CCDC91: variants seen among roughly 807,000 people sequenced by gnomAD.
CCDC91 encodes the protein coiled-coil domain containing 91.
CCDC91 carries 48 observed loss-of-function variants against 63.2 expected under a neutral mutation model. The ratio of observed to expected loss-of-function variants is 0.76; its 90% CI spans 0.60 to 0.97. CCDC91 has a LOEUF of 0.97. CCDC91 is among the 50% of genes least tolerant of loss of function. CCDC91 has a pLI of 0.00. For synonymous variants in CCDC91, 167 were observed against 165.8 expected, an observed-to-expected ratio of 1.01 and a Z score of -0.06; for missense variants, 500 against 494.6, an observed-to-expected ratio of 1.01 and a Z score of -0.10.
At position 28,520,839 on chromosome 12, in the gene CCDC91, C is replaced by A. The variant is rs570971080; in HGVS notation, c.1216-28224C>A. On this transcript the variant is annotated intron_variant, in intron 12 of 12. Coordinates refer to ENST00000536442, the MANE Select transcript of CCDC91 (RefSeq NM_018318.5). The stretch of plus-strand genomic sequence containing the variant: ...TTCATTAAATAGGGAATCGTTTCCC[C>A]ATTTCTTGTTTTTGTCAGGTTTGTC... Among the ~76,000 whole-genome samples, 9 of 152,244 alleles carry A rather than the reference C, an allele frequency of 5.9e-5. No homozygotes were observed. The East Asian group carries it at 1.7e-3, about 29-fold the overall frequency.
intron 8 of CCDC91, among the ~76,000 whole-genome samples, chr12:28,422,481 A>G (rs959506895): frequency 6.6e-6 from 1 of 152,108 alleles, no homozygotes; most frequent in East Asian, 1.9e-4. Flanking sequence ...TAAGCATACC[A>G]TCAGGATCAC....
chr12:28,445,732 C>G (rs11049609), intron 8 of CCDC91, among the ~76,000 whole-genome samples: 31,199 of 152,146 alleles, frequency 0.21, 4,195 homozygotes, highest in Non-Finnish European at 0.3. Context: ...AGTCCAAGAT[C>G]AAGGTTTCTG....
intron 12 of CCDC91, among the ~76,000 whole-genome samples, chr12:28,504,503 C>T (rs574868751): frequency 6.6e-6 from 1 of 151,894 alleles, no homozygotes; most frequent in African/African-American, 2.4e-5. Flanking sequence ...CTTCTGTCTC[C>T]ACTTCCCTCA....
intron 12 of CCDC91, among the ~76,000 whole-genome samples, chr12:28,539,094 A>G (rs1942427158): frequency 6.6e-6 from 1 of 152,174 alleles, no homozygotes; most frequent in Non-Finnish European, 1.5e-5. Context: ...TTTGCTGTGC[A>G]GAAGCTCTTC....
chr12:28,315,892 C>T (rs1232779458), intron 6 of CCDC91, among the ~76,000 whole-genome samples: 1 of 151,656 alleles, frequency 6.6e-6, no homozygotes, highest in African/African-American at 2.4e-5. Context: ...CCTTCTGTCT[C>T]ATTTAGATAA....
chr12:28,534,367 A>G (rs1170878816), intron 12 of CCDC91, among the ~76,000 whole-genome samples: 1 of 152,196 alleles, frequency 6.6e-6, no homozygotes, highest in Non-Finnish European at 1.5e-5. Flanking sequence ...TTATATACCA[A>G]TGGCCATGAC....
chr12:28,429,506 A>T (rs1948514818), intron 8 of CCDC91, among the ~76,000 whole-genome samples: 1 of 151,880 alleles, frequency 6.6e-6, no homozygotes, highest in Admixed American at 6.6e-5. Context: ...AATGAATTAT[A>T]ATATATAATA....
intron 8 of CCDC91, among the ~76,000 whole-genome samples, chr12:28,446,994 C>T (rs1441958547): frequency 1.3e-5 from 2 of 152,114 alleles, no homozygotes; most frequent in Non-Finnish European, 2.9e-5. Context: ...GGGGAGTCTC[C>T]TTTGCCCGTT....
intron 6 of CCDC91, chr12:28,319,300 A>G (rs1010152132): frequency 7.9e-5 from 12 of 152,012 alleles, no homozygotes; most frequent in African/African-American, 2.4e-4. Flanking sequence ...TTGCAGCAGA[A>G]AAAAGTATTA....
chr12:28,199,012 C>T (rs1942000520), intron 1 of CCDC91: 1 of 151,810 alleles, frequency 6.6e-6, no homozygotes, highest in Non-Finnish European at 1.5e-5. Context: ...CTCCTTGGCT[C>T]AAGTGATTCT....
At chr12:28,355,092 CCTT>C (rs1943435244) in intron 6 of CCDC91, among the ~76,000 whole-genome samples, 1 of 152,046 alleles carries the variant, frequency 6.6e-6, no homozygotes, top group South Asian at 2.1e-4. Flanking sequence ...TCGTTTTCTT[CCTT>C]CTTTCTGCCT....
intron 12 of CCDC91, among the ~76,000 whole-genome samples, chr12:28,508,488 A>G (rs1232252954): frequency 2.0e-5 from 3 of 151,850 alleles, no homozygotes; most frequent in Admixed American, 1.3e-4. Flanking sequence ...AAATTAGGCA[A>G]GGGAGTTCCA....
chr12:28,473,974 T>TTGTG (rs142414549), intron 11 of CCDC91, among the ~76,000 whole-genome samples: 16,592 of 149,560 alleles, frequency 0.11, 2,368 homozygotes, highest in African/African-American at 0.34. Context: ...GCATGTGTGT[T>TTGTG]TGTGTGTGTG....
At chr12:28,490,427 A>G (rs1200879881) in intron 12 of CCDC91, among the ~76,000 whole-genome samples, 2 of 151,902 alleles carry the variant, frequency 1.3e-5, no homozygotes, top group Non-Finnish European at 2.9e-5. Context: ...CATAAGCTAT[A>G]TTGTAATTTA....
intron 3 of CCDC91, among the ~76,000 whole-genome samples, chr12:28,271,538 T>C (rs1473159980): frequency 6.6e-6 from 1 of 152,010 alleles, no homozygotes; most frequent in Non-Finnish European, 1.5e-5. Flanking sequence ...AATTTCCAAG[T>C]ATGGGGCTTT....
chr12:28,401,439 TGGGGATTATG>T (rs1449088210), intron 8 of CCDC91, among the ~76,000 whole-genome samples: 1 of 151,796 alleles, frequency 6.6e-6, no homozygotes, highest in Non-Finnish European at 1.5e-5. Flanking sequence ...CCACGACATG[TGGGGATTATG>T]GGAACTACAA....
chr12:28,456,123 C>T (rs1044237775), intron 11 of CCDC91, among the ~76,000 whole-genome samples: 5 of 152,054 alleles, frequency 3.3e-5, no homozygotes, highest in Non-Finnish European at 7.4e-5. Context: ...ATAGGCAAAA[C>T]TTTAAGAAGG....
intron 12 of CCDC91, among the ~76,000 whole-genome samples, chr12:28,520,650 C>G (rs1940527714): frequency 6.6e-6 from 1 of 152,132 alleles, no homozygotes; most frequent in Non-Finnish European, 1.5e-5. Context: ...CTTGCCCATG[C>G]CTATGTCCTG....
At chr12:28,531,467 GCTAT>G (rs999506790) in intron 12 of CCDC91, among the ~76,000 whole-genome samples, 1 of 152,068 alleles carries the variant, frequency 6.6e-6, no homozygotes, top group Non-Finnish European at 1.5e-5. Context: ...AAGGCAACCT[GCTAT>G]CTATTATTTA....
Sources: allele counts gnomAD v4.1 joint callset (sites outside exome capture counted in the v4.1 genomes callset), GRCh38; gene constraint gnomAD v4.1.1; transcripts MANE v1.5; gene names NCBI Gene and HGNC (gene_info 2026-07-23, HGNC 2026-07-21).